PLCE1: variants seen among roughly 807,000 people sequenced by gnomAD.
PLCE1 encodes 1-phosphatidylinositol 4,5-bisphosphate phosphodiesterase epsilon-1.
Under a neutral mutation model 242.8 loss-of-function variants are expected in PLCE1, and 119 were observed. The observed-to-expected ratio is 0.49, with a 90% CI of 0.42 to 0.57. PLCE1 has a LOEUF of 0.57. Among genes scored for constraint, PLCE1 ranks in the 20% least tolerant of loss-of-function variants. PLCE1 has a pLI of 0.00. For missense variants in PLCE1, 2,441 were observed against 2,788.8 expected (o/e 0.88, Z 2.81); for synonymous variants, 945 against 1,017.4 (o/e 0.93, Z 1.35).
chr10:94,192,936 G>A (rs182778266), intron 4 of PLCE1, among the ~76,000 whole-genome samples: 114 of 152,262 alleles, frequency 7.5e-4, no homozygotes, highest in African/African-American at 2.7e-3. Context: ...ACTATTTTGC[G>A]ATAGGTGAAA....
Position 94,324,455 on chromosome 10 carries a change from C to A in PLCE1, c.6608C>A (p.Thr2203Asn), listed in dbSNP as rs1030145372. The change falls in exon 31 of 33, where the codon ACC (threonine) becomes AAC (asparagine). Residue 2203 changes from threonine (T) to asparagine (N), a missense_variant. Physicochemically the swap from Thr to Asn is moderately conservative, Grantham distance 65 (BLOSUM62 0). Transcript: ENST00000371380. ...AAAGACACTACCAACAAGAAGACTA[C>A]CACACCAAAGTCCTCTCAGCGGGTC... Reference protein sequence around the residue: ...VVKDTTNKKTTTPKSSQRVLL... With the variant: ...VVKDTTNKKTNTPKSSQRVLL... 1.1e-5 allele frequency: 18 copies of A among 1,614,024 alleles called. No individual in the cohort carries two copies. Among genetic ancestry groups the A allele is most frequent in the Non-Finnish European group, 1.4e-5 (17 of 1,179,874 alleles).
At chr10:94,180,927 A>T (rs953900318) in intron 4 of PLCE1, among the ~76,000 whole-genome samples, 4 of 152,214 alleles carry the variant, frequency 2.6e-5, no homozygotes, top group African/African-American at 9.6e-5. Flanking sequence ...TGAGAAAATA[A>T]ATTTCCACTC....
intron 4 of PLCE1, among the ~76,000 whole-genome samples, chr10:94,208,189 AC>A (rs2049223252): frequency 6.6e-6 from 1 of 152,044 alleles, no homozygotes; most frequent in South Asian, 2.1e-4. Context: ...GCAGACACCA[AC>A]CTGACCAGGT....
At chr10:94,107,977 ATGGACTG>A (rs1479104794) in intron 2 of PLCE1, 1 of 152,268 alleles carries the variant, frequency 6.6e-6, no homozygotes, top group Admixed American at 6.5e-5. Context: ...CGTGGGCTGG[ATGGACTG>A]TGGATCTAAC....
intron 7 of PLCE1, among the ~76,000 whole-genome samples, chr10:94,239,826 G>T (rs2050443702): frequency 6.6e-6 from 1 of 151,760 alleles, no homozygotes; most frequent in Non-Finnish European, 1.5e-5. Context: ...ACACACACAC[G>T]TACGCATGTG....
At chr10:94,311,222 G>T (rs998880868) in intron 27 of PLCE1, among the ~76,000 whole-genome samples, 1 of 152,198 alleles carries the variant, frequency 6.6e-6, no homozygotes, top group Non-Finnish European at 1.5e-5. Context: ...ACCTGGGCAT[G>T]ATTGGTTCAA....
chr10:94,309,662 C>T (rs2053322039), intron 27 of PLCE1, among the ~76,000 whole-genome samples: 1 of 152,182 alleles, frequency 6.6e-6, no homozygotes, highest in African/African-American at 2.4e-5. Flanking sequence ...TAACAAGTGC[C>T]TCATGGAAAC....
intron 2 of PLCE1, among the ~76,000 whole-genome samples, chr10:94,058,908 T>A (rs1400170281): frequency 6.6e-6 from 1 of 152,154 alleles, no homozygotes; most frequent in Admixed American, 6.5e-5. Flanking sequence ...CTGCTGGACC[T>A]CTCAGGAGCA....
chr10:94,259,227 C>T (rs2051208805), intron 13 of PLCE1, 77 bp downstream of exon 13: 9 of 1,399,780 alleles, frequency 6.4e-6, no homozygotes, highest in Non-Finnish European at 9.1e-6. Context: ...GTCACACAAA[C>T]TCTGAGCCTG....
chr10:94,183,813 A>AAG (rs1483564979), intron 4 of PLCE1, among the ~76,000 whole-genome samples: 2 of 152,122 alleles, frequency 1.3e-5, no homozygotes, highest in Non-Finnish European at 2.9e-5. Flanking sequence ...GAATGAGAGC[A>AAG]AGAGAGAGAA....
At chr10:94,254,719 G>A (rs1006211412) in intron 10 of PLCE1, among the ~76,000 whole-genome samples, 174 bp from the exon 11 acceptor site, 1 of 152,176 alleles carries the variant, frequency 6.6e-6, no homozygotes, top group African/African-American at 2.4e-5. Flanking sequence ...CATGTAGCCA[G>A]TTGAGACCCC....
chr10:94,038,523 C>T (rs1384782976), intron 2 of PLCE1, among the ~76,000 whole-genome samples: 1 of 152,114 alleles, frequency 6.6e-6, no homozygotes, highest in African/African-American at 2.4e-5. Flanking sequence ...ACCCCAAACC[C>T]TTCCTTCTTA....
intron 3 of PLCE1, among the ~76,000 whole-genome samples, chr10:94,158,851 T>TTTC (rs1224445502): frequency 1.5e-5 from 2 of 134,812 alleles, no homozygotes; most frequent in Non-Finnish European, 3.3e-5. Flanking sequence ...TCTTCTTCTT[T>TTTC]TTCTTTTTTT....
rs181997599 is a variant in PLCE1, at chr10:94,204,459, G to A, written c.1810-22847G>A. Among the ~76,000 whole-genome samples, 340 of 152,156 alleles carry A rather than the reference G, an allele frequency of 2.2e-3. 1 individual carries two copies. Among genetic ancestry groups the A allele is most frequent in the African/African-American group, 7.6e-3 (317 of 41,496 alleles). On this transcript the variant is annotated intron_variant, in intron 4 of 32. Coordinates refer to ENST00000371380, the MANE Select transcript of PLCE1 (RefSeq NM_016341.4). Reference sequence around the variant, plus strand: ...TGAGGCGGGTGAATCACGAGGTCAGGAGTTCAAGATCATCCTGGCCAAGAT... The same window carrying A: ...TGAGGCGGGTGAATCACGAGGTCAGAAGTTCAAGATCATCCTGGCCAAGAT...
chr10:94,003,418 A>C (rs1245322594), intron 1 of PLCE1, among the ~76,000 whole-genome samples: 3 of 152,200 alleles, frequency 2.0e-5, no homozygotes, highest in Admixed American at 2.0e-4. Flanking sequence ...CATGTGTTCT[A>C]TCAGGTTCAC....
intron 7 of PLCE1, among the ~76,000 whole-genome samples, chr10:94,241,781 C>T (rs541209100): frequency 1.7e-3 from 228 of 134,998 alleles, no homozygotes; most frequent in African/African-American, 4.4e-3. Flanking sequence ...AGCAAGACTC[C>T]ATCTCCAGAA....
chr10:94,084,604 G>A (rs545067962), intron 2 of PLCE1, among the ~76,000 whole-genome samples: 3 of 152,292 alleles, frequency 2.0e-5, no homozygotes, highest in Non-Finnish European at 2.9e-5. Flanking sequence ...AGATGTCTCC[G>A]CATCTTTCAT....
chr10:94,304,662 G>C lies in PLCE1; in HGVS notation c.5622+17G>C. 1 of 1,613,164 alleles carries C rather than the reference G, an allele frequency of 6.2e-7. No homozygotes were observed. Among genetic ancestry groups the C allele is most frequent in the Non-Finnish European group, 8.5e-7 (1 of 1,179,538 alleles). On this transcript the variant is annotated intron_variant, in intron 25 of 32. Transcript: ENST00000371380. The stretch of plus-strand genomic sequence containing the variant: ...TCTTTAACTGTAAGTACGGCCCCTA[G>C]AGAAAGAACATAAGGTCGGGTTTAA...
At chr10:94,028,559 T>C (rs2061496464) in intron 1 of PLCE1, among the ~76,000 whole-genome samples, 1 of 152,124 alleles carries the variant, frequency 6.6e-6, no homozygotes, top group East Asian at 1.9e-4. Flanking sequence ...GGAATTAGGC[T>C]CCACCTTGTG....
Sources: gnomAD v4.1 joint callset for allele counts (sites outside exome capture counted in the v4.1 genomes callset) on GRCh38, gnomAD v4.1.1 for gene constraint, MANE v1.5 for transcripts, NCBI Gene and HGNC (gene_info 2026-07-23, HGNC 2026-07-21) for gene names.